The following USP9Y variants were observed in gnomAD, a reference collection of about 807,000 sequenced individuals.
USP9Y encodes ubiquitin specific peptidase 9 Y-linked, also known as ubiquitin carboxyl-terminal hydrolase 9Y.
Under a neutral mutation model 53.1 loss-of-function variants are expected in USP9Y, and 41 were observed. That is an observed-to-expected ratio of 0.77 (90% CI 0.60 to 1.00). The LOEUF (loss-of-function observed/expected upper bound fraction) is 1.00, where lower values mean the gene tolerates loss of function less well. Among genes scored for constraint, USP9Y ranks in the 50% least tolerant of loss-of-function variants. The pLI is 0.00. For synonymous variants in USP9Y, 220 were observed against 173.7 expected, an observed-to-expected ratio of 1.27 and a Z score of -2.09; for missense variants, 567 against 535.8, an observed-to-expected ratio of 1.06 and a Z score of -0.58.
At chrY:12,834,866 A>C in intron 34 of USP9Y, among the ~76,000 whole-genome samples, 1 of 33,745 alleles carries the variant, frequency 3.0e-5, no homozygotes, top group African/African-American at 1.2e-4. Flanking sequence ...TAAATGACTT[A>C]AATTACTCTC....
chrY:12,713,399 A>C, intron 3 of USP9Y, among the ~76,000 whole-genome samples: 1 of 32,356 alleles, frequency 3.1e-5, no homozygotes, highest in Non-Finnish European at 7.5e-5. Context: ...AAGAGTTTTT[A>C]TGTTACCTTC....
chrY:12,849,379 A>G, intron 42 of USP9Y, among the ~76,000 whole-genome samples: 1 of 33,107 alleles, frequency 3.0e-5, no homozygotes, highest in Non-Finnish European at 7.4e-5. Flanking sequence ...ATATATAGTC[A>G]TGTCATCTGC....
intron 15 of USP9Y, among the ~76,000 whole-genome samples, chrY:12,764,880 C>T (rs533566091): frequency 8.6e-3 from 278 of 32,477 alleles, no homozygotes; most frequent in African/African-American, 0.032. Flanking sequence ...AAAAATGTTA[C>T]GTGATTGATC....
At chrY:12,793,377 A>G in intron 27 of USP9Y, among the ~76,000 whole-genome samples, 176 bp downstream of exon 27, 1 of 33,360 alleles carries the variant, frequency 3.0e-5, no homozygotes, top group Non-Finnish European at 7.4e-5. Flanking sequence ...GTTAACCTGA[A>G]TTTTTTTCTC....
In USP9Y at chrY:12,736,263, C is replaced by A; in HGVS notation, c.1025+14C>A. 1 of 377,860 alleles carries A rather than the reference C, an allele frequency of 2.6e-6. No individual in the cohort carries two copies. Among genetic ancestry groups the A allele is most frequent in the Non-Finnish European group, 3.7e-6 (1 of 268,075 alleles). The allele number at this position is 377,860 out of a possible 400,897, so 94.3% of individuals were successfully genotyped here. On this transcript the variant is annotated intron_variant, in intron 9 of 45. Transcript: ENST00000338981. ...GATGATACTCAGGTAAGATATTTTCCACCTTAAATTATTTGTGTGAATTCT... is the reference window on the plus strand; with the variant it reads ...GATGATACTCAGGTAAGATATTTTCAACCTTAAATTATTTGTGTGAATTCT...
chrY:12,782,449 GT>G (rs2053499019), intron 22 of USP9Y, among the ~76,000 whole-genome samples: 1 of 33,634 alleles, frequency 3.0e-5, no homozygotes. Flanking sequence ...GAGCTCTTGG[GT>G]TGCCAGATAC....
At position 12,839,872 on chromosome Y, in the gene USP9Y, A is replaced by G; in HGVS notation, c.5346A>G (p.Thr1782=). 1 of 398,217 alleles carries G rather than the reference A, an allele frequency of 2.5e-6. No homozygotes were observed. Among genetic ancestry groups the G allele is most frequent in the South Asian group, 3.0e-5 (1 of 33,778 alleles). ...TTCTCTGTTTATTATAGGTTGACAC[A>G]GTAAAGCGCCTGCTAATTAAAAAAT... ...HCEKCDKKVD[T]VKRLLIKKLP... Residue 1782 remains threonine (T), a synonymous_variant, in exon 36 of 46, where the codon ACA becomes ACG. Transcript: ENST00000338981.
At chrY:12,791,035 A>G in intron 25 of USP9Y, among the ~76,000 whole-genome samples, 7 of 33,176 alleles carry the variant, frequency 2.1e-4, no homozygotes, top group African/African-American at 8.3e-4. Flanking sequence ...ACATGTTGCT[A>G]ATTCATTCGT....
At chrY:12,845,549 T>C in intron 39 of USP9Y, among the ~76,000 whole-genome samples, 1 of 33,159 alleles carries the variant, frequency 3.0e-5, no homozygotes, top group Non-Finnish European at 7.4e-5. Flanking sequence ...TCATCTAAAA[T>C]CATTTGGATA....
At position 12,738,196 on chromosome Y, in the gene USP9Y, C is replaced by G. The variant is rs1437948150; in HGVS notation, c.1204C>G (p.Gln402Glu). Residue 402 changes from glutamine (Q) to glutamate (E), a missense_variant, in exon 11 of 46, where the codon CAA becomes GAA. Physicochemically the swap from Gln to Glu is conservative, Grantham distance 29. Transcript: ENST00000338981. ...AAATAATATCTTATCCATAGTCTTG[C>G]AAGACAGTCTTCATCAACCACAATA... ...QQNNILSIVL[Q>E]DSLHQPQYVE... 7.6e-6 allele frequency: 3 copies of G among 394,841 alleles called. No individual in the cohort carries two copies. The South Asian group carries it at 9.1e-5, about 12-fold the overall frequency.
rs371905940 is a variant in USP9Y, at chrY:12,777,469, G to A, written c.2640-550G>A. Among the ~76,000 whole-genome samples, 163 of 33,066 alleles carry A rather than the reference G, an allele frequency of 4.9e-3. No homozygotes were observed. The South Asian group carries it at 0.1, about 20-fold the overall frequency. The allele number at this position is 33,066 out of a possible 37,273, so 88.7% of individuals were successfully genotyped here. On this transcript the variant is annotated intron_variant, in intron 19 of 45. Transcript: ENST00000338981. ...AAGTTTACAGAATGAGCACAATCAC[G>A]TTTTTTAAAAGTCTGATTCCACTTT...
Position 12,846,367 on chromosome Y carries a change from T to C in USP9Y, c.6603T>C (p.Asn2201=). 5.0e-6 allele frequency: 2 copies of C among 398,556 alleles called. No individual in the cohort carries two copies. Among genetic ancestry groups the C allele is most frequent in the Non-Finnish European group, 7.1e-6 (2 of 283,376 alleles). Residue 2201 remains asparagine, a synonymous_variant, in exon 40 of 46, where the codon AAT becomes AAC. Coordinates refer to ENST00000338981, the MANE Select transcript of USP9Y (RefSeq NM_004654.4). ...AAAAAACACAGCTTCTGAAATTGAATGTACCTGCTACCTTTATGCTTGTGT... is the reference window on the plus strand; with the variant it reads ...AAAAAACACAGCTTCTGAAATTGAACGTACCTGCTACCTTTATGCTTGTGT... The part of the protein sequence containing the change: ...VAEKTQLLKL[N]VPATFMLVSL...
chrY:12,771,301 G>A, intron 16 of USP9Y, 146 bp downstream of exon 16: 2 of 153,618 alleles, frequency 1.3e-5, no homozygotes, highest in Admixed American at 2.1e-4. Flanking sequence ...TAGGCTCACT[G>A]AAGCCTCAAC....
At chrY:12,804,164 TCC>T (rs2053521621) in intron 27 of USP9Y, among the ~76,000 whole-genome samples, 1 of 33,132 alleles carries the variant, frequency 3.0e-5, no homozygotes, top group Non-Finnish European at 7.4e-5. Context: ...TTGTTACTAT[TCC>T]CTTTTGTGGT....
Position 12,731,856 on chromosome Y carries a change from C to G in USP9Y, c.658-3756C>G, listed in dbSNP as rs778502625. Among the ~76,000 whole-genome samples the G allele has an allele frequency of 2.1e-4, 7 of 33,327 alleles. No individual in the cohort carries two copies. In the East Asian group the frequency reaches 5.5e-3, roughly 26 times the overall value. 89.4% of individuals were successfully genotyped at this position (33,327 alleles called of 37,273 possible). On this transcript the variant is annotated intron_variant, in intron 7 of 45. Transcript: ENST00000338981. ...TGATAGTATTTTCCTCTCAGTACTT[C>G]CTAATGAGCACTCAGCTGTTAGCTA...
At chrY:12,851,852 C>G in intron 42 of USP9Y, among the ~76,000 whole-genome samples, 1 of 33,628 alleles carries the variant, frequency 3.0e-5, no homozygotes, top group African/African-American at 1.2e-4. Context: ...GCCCCACTCT[C>G]TTCTGGCTTG....
At chrY:12,733,282 GA>G (rs2053448712) in intron 7 of USP9Y, among the ~76,000 whole-genome samples, 3 of 24,501 alleles carry the variant, frequency 1.2e-4, no homozygotes, top group East Asian at 1.0e-3. Context: ...TCCTTGGACA[GA>G]AAAAAAAAAA....
At chrY:12,812,698 G>A in intron 30 of USP9Y, 132 bp from the exon 31 acceptor site, 1 of 154,759 alleles carries the variant, frequency 6.5e-6, no homozygotes, top group Non-Finnish European at 1.2e-5. Context: ...TTTTTGTGGG[G>A]TTTTGTTTTG....
chrY:12,799,872 C>T, intron 27 of USP9Y, among the ~76,000 whole-genome samples: 2 of 33,767 alleles, frequency 5.9e-5, no homozygotes, highest in East Asian at 7.8e-4. Flanking sequence ...GCATTTGAAT[C>T]GGCAGTGGCA....
Sources: allele counts gnomAD v4.1 joint callset (sites outside exome capture counted in the v4.1 genomes callset), GRCh38; gene constraint gnomAD v4.1.1; transcripts MANE v1.5; gene names NCBI Gene and HGNC (gene_info 2026-07-23, HGNC 2026-07-21).